Variants in DAP observed in about 807,000 individuals in gnomAD.
The protein encoded by DAP is death-associated protein 1.
DAP carries 8 observed loss-of-function variants against 13.8 expected under a neutral mutation model. The observed-to-expected ratio is 0.58, with a 90% CI of 0.34 to 1.05. DAP has a LOEUF of 1.05. DAP is among the 50% of genes least tolerant of loss of function. The pLI is 0.03. For missense variants in DAP, 106 were observed against 133.2 expected (o/e 0.80, Z 1.01); for synonymous variants, 47 against 47.5 (o/e 0.99, Z 0.04).
At chr5:10,695,718 C>T (rs988226443) in intron 2 of DAP, among the ~76,000 whole-genome samples, 1 of 152,196 alleles carries the variant, frequency 6.6e-6, no homozygotes, top group East Asian at 1.9e-4. Context: ...AACTTCATCT[C>T]AACCTGTTCT....
At chr5:10,687,023 C>T (rs1003387090) in intron 2 of DAP, among the ~76,000 whole-genome samples, 3 of 152,130 alleles carry the variant, frequency 2.0e-5, no homozygotes, top group African/African-American at 4.8e-5. Flanking sequence ...ATCCTAGGGC[C>T]CTTACGAATT....
At chr5:10,709,545 C>T (rs911008002) in intron 2 of DAP, among the ~76,000 whole-genome samples, 1 of 152,192 alleles carries the variant, frequency 6.6e-6, no homozygotes, top group African/African-American at 2.4e-5. Context: ...AGGGTTGCCT[C>T]GTGGTCAGAT....
intron 2 of DAP, among the ~76,000 whole-genome samples, chr5:10,703,099 T>C (rs1048113416): frequency 2.0e-5 from 3 of 152,172 alleles, no homozygotes; most frequent in African/African-American, 7.2e-5. Context: ...AAACAGCCTG[T>C]TTCTGTTGAT....
chr5:10,689,064 C>T (rs56026836), intron 2 of DAP, among the ~76,000 whole-genome samples: 1,608 of 152,214 alleles, frequency 0.011, 17 homozygotes, highest in African/African-American at 0.027. Context: ...GTCCTCTGGG[C>T]GTCTCCTGCA....
intron 2 of DAP, among the ~76,000 whole-genome samples, chr5:10,696,095 C>T (rs767481910): frequency 3.3e-5 from 5 of 152,170 alleles, no homozygotes; most frequent in Non-Finnish European, 5.9e-5. Context: ...CAGTTTCTGG[C>T]GTGTGGATCT....
chr5:10,755,472 G>A (rs1331333955), intron 1 of DAP, among the ~76,000 whole-genome samples: 1 of 152,152 alleles, frequency 6.6e-6, no homozygotes, highest in Non-Finnish European at 1.5e-5. Context: ...CATACCACTT[G>A]TGGGCCACAC....
intron 2 of DAP, among the ~76,000 whole-genome samples, chr5:10,740,878 A>G (rs987322029): frequency 6.6e-6 from 1 of 152,266 alleles, no homozygotes; most frequent in Non-Finnish European, 1.5e-5. Flanking sequence ...TGAATCTTTA[A>G]AAGATATTTC....
intron 1 of DAP, among the ~76,000 whole-genome samples, chr5:10,755,875 C>A (rs755841419): frequency 6.6e-6 from 1 of 152,272 alleles, no homozygotes; most frequent in African/African-American, 2.4e-5. Flanking sequence ...AGGCTGGGTG[C>A]GGTGGCTCAT....
At chr5:10,721,328 T>G (rs537088776) in intron 2 of DAP, among the ~76,000 whole-genome samples, 1 of 152,316 alleles carries the variant, frequency 6.6e-6, no homozygotes, top group South Asian at 2.1e-4. Flanking sequence ...TCTGCTGGCC[T>G]AGAGGTCTTA....
At chr5:10,751,633 A>C (rs1405586140) in intron 1 of DAP, among the ~76,000 whole-genome samples, 1 of 152,226 alleles carries the variant, frequency 6.6e-6, no homozygotes, top group African/African-American at 2.4e-5. Context: ...CATACCCTTA[A>C]ATTGTAATTG....
At chr5:10,755,030 C>T (rs1740148220) in intron 1 of DAP, among the ~76,000 whole-genome samples, 2 of 152,180 alleles carry the variant, frequency 1.3e-5, no homozygotes, top group Non-Finnish European at 2.9e-5. Context: ...AGAAGGGAAA[C>T]TGCTATTCTG....
chr5:10,746,127 C>G (rs925245938), intron 2 of DAP, among the ~76,000 whole-genome samples: 1 of 152,144 alleles, frequency 6.6e-6, no homozygotes, highest in East Asian at 1.9e-4. Context: ...CTAGGGGGTA[C>G]TATGTGGTAT....
chr5:10,690,181 C>T (rs533398966), intron 2 of DAP, among the ~76,000 whole-genome samples: 1 of 152,140 alleles, frequency 6.6e-6, no homozygotes, highest in Non-Finnish European at 1.5e-5. Context: ...GGCGACTCGG[C>T]GGGAAGTGAC....
At chr5:10,760,121 T>G (rs903568393) in intron 1 of DAP, among the ~76,000 whole-genome samples, 28 of 152,314 alleles carry the variant, frequency 1.8e-4, no homozygotes, top group African/African-American at 6.5e-4. Context: ...TCTCAAAGAC[T>G]TCTGTTCCTA....
At chr5:10,724,047 A>G (rs1186864407) in intron 2 of DAP, among the ~76,000 whole-genome samples, 1 of 152,258 alleles carries the variant, frequency 6.6e-6, no homozygotes, top group African/African-American at 2.4e-5. Flanking sequence ...GGCACCATAC[A>G]GCAAAGGCAA....
chr5:10,740,260 C>T (rs182166823), intron 2 of DAP, among the ~76,000 whole-genome samples: 14 of 152,172 alleles, frequency 9.2e-5, no homozygotes, highest in South Asian at 2.1e-4. Context: ...AAAAAAGAGT[C>T]GGCGGCAGAG....
At chr5:10,757,279 GTT>G (rs776173279) in intron 1 of DAP, among the ~76,000 whole-genome samples, 1 of 145,974 alleles carries the variant, frequency 6.9e-6, no homozygotes, top group African/African-American at 2.5e-5. Flanking sequence ...ATTGGGTCAG[GTT>G]TTTTTTTTTT....
chr5:10,756,896 C>T (rs2111401776), intron 1 of DAP, among the ~76,000 whole-genome samples: 1 of 129,736 alleles, frequency 7.7e-6, no homozygotes, highest in South Asian at 2.7e-4. Context: ...TCTGCATTTG[C>T]AATAACTCAT....
At chr5:10,722,652 T>A (rs1739184723) in intron 2 of DAP, among the ~76,000 whole-genome samples, 2 of 150,640 alleles carry the variant, frequency 1.3e-5, no homozygotes, top group South Asian at 4.2e-4. Context: ...ATATATATGT[T>A]CACGACTGCA....
Sources: allele counts gnomAD v4.1 joint callset (sites outside exome capture counted in the v4.1 genomes callset), GRCh38; gene constraint gnomAD v4.1.1; transcripts MANE v1.5; gene names NCBI Gene and HGNC (gene_info 2026-07-23, HGNC 2026-07-21).